Variants in MCM10 observed in about 807,000 individuals in gnomAD.
MCM10 encodes protein MCM10 homolog.
Under a neutral mutation model 109.9 loss-of-function variants are expected in MCM10, and 91 were observed. The ratio of observed to expected loss-of-function variants is 0.83; its 90% CI spans 0.70 to 0.99. MCM10 has a LOEUF of 0.99. Among genes scored for constraint, MCM10 ranks in the 50% least tolerant of loss-of-function variants. The pLI is 0.00. For synonymous variants in MCM10, 380 were observed against 387.2 expected, an observed-to-expected ratio of 0.98 and a Z score of 0.22; for missense variants, 1,077 against 1,061.2, an observed-to-expected ratio of 1.01 and a Z score of -0.21.
intron 16 of MCM10, 53 bp downstream of exon 16, chr10:13,198,860 C>G (rs1834459049): frequency 8.6e-7 from 1 of 1,159,766 alleles, no homozygotes; most frequent in African/African-American, 1.5e-5. Context: ...CCTTCAAAGC[C>G]AAGGTGCTAG....
At chr10:13,202,582 G>A (rs1834514502) in intron 17 of MCM10, among the ~76,000 whole-genome samples, 2 of 152,174 alleles carry the variant, frequency 1.3e-5, no homozygotes, top group African/African-American at 4.8e-5. Context: ...ACCACCAAAA[G>A]TAGGGCTTCC....
Position 13,188,950 on chromosome 10 carries a change from C to G in MCM10, c.1285C>G (p.Leu429Val). The G allele has an allele frequency of 6.2e-7, 1 of 1,614,178 alleles. No homozygotes were observed. The highest frequency in any genetic ancestry group is 8.5e-7 in the Non-Finnish European group (1 of 1,180,030). Residue 429 changes from leucine (L) to valine (V), a missense_variant, in exon 10 of 20, where the codon CTG becomes GTG. Transcript: ENST00000378714. The part of the protein sequence containing the change: ...YKKLSAKRAD[L>V]QSTFSGGRIP... ...GAAGCTCAGCGCAAAGCGTGCGGAT[C>G]TGCAGTCCACCTTCTCTGGAGGACG...
intron 1 of MCM10, among the ~76,000 whole-genome samples, chr10:13,162,876 G>C (rs1363516754): frequency 2.0e-5 from 3 of 152,080 alleles, no homozygotes; most frequent in Non-Finnish European, 4.4e-5. Flanking sequence ...TCAGGAGATC[G>C]AGACCATCCT....
At chr10:13,190,555 C>T (rs965033279) in intron 10 of MCM10, among the ~76,000 whole-genome samples, 2 of 152,054 alleles carry the variant, frequency 1.3e-5, no homozygotes, top group African/African-American at 4.8e-5. Context: ...CATGGTGGCA[C>T]ATGCCTGTAG....
chr10:13,204,022 G>A (rs957524264), intron 17 of MCM10, among the ~76,000 whole-genome samples, 197 bp from the exon 18 acceptor site: 13 of 150,394 alleles, frequency 8.6e-5, no homozygotes, highest in Middle Eastern at 3.2e-3. Flanking sequence ...CGTGAGAAAC[G>A]GTGGTATCAG....
At chr10:13,176,074 A>C (rs1274600774) in intron 6 of MCM10, among the ~76,000 whole-genome samples, 1 of 152,180 alleles carries the variant, frequency 6.6e-6, no homozygotes, top group African/African-American at 2.4e-5. Context: ...GCAATTAAGC[A>C]ATTACTGGAT....
In MCM10 at chr10:13,172,700, A is replaced by C. The variant is rs763892001; in HGVS notation, c.527A>C (p.Glu176Ala). The change falls in exon 5 of 20, where the codon GAG becomes GCG. Residue 176 changes from glutamate (E) to alanine (A), a missense_variant. By Grantham distance (107) the Glu-to-Ala change is moderately radical (BLOSUM62 -1). Transcript: ENST00000378714. The surrounding 1 kb of genome is among the most constrained non-coding windows in gnomAD (Gnocchi z 5.2). ...CAGGAGTCAACATGCTTTTCTGCGGAGCTTGATGTCCCTGCGCTACCAAGA... is the reference window on the plus strand; with the variant it reads ...CAGGAGTCAACATGCTTTTCTGCGGCGCTTGATGTCCCTGCGCTACCAAGA... ...RIQESTCFSA[E>A]LDVPALPRTK... 1 of 1,614,074 alleles carries C rather than the reference A, an allele frequency of 6.2e-7. No homozygotes were observed. The highest frequency in any genetic ancestry group is 1.1e-5 in the South Asian group (1 of 91,068).
At chr10:13,170,024 T>C (rs1485040210) in intron 2 of MCM10, among the ~76,000 whole-genome samples, 1 of 152,224 alleles carries the variant, frequency 6.6e-6, no homozygotes, top group African/African-American at 2.4e-5. Flanking sequence ...ATGTTTTGAT[T>C]TGGGTTAATC....
chr10:13,201,769 C>T, intron 17 of MCM10: 1 of 498,770 alleles, frequency 2.0e-6, no homozygotes, highest in Non-Finnish European at 3.6e-6. Context: ...GACCACAGCC[C>T]CCAGTTTGGA....
intron 5 of MCM10, among the ~76,000 whole-genome samples, chr10:13,174,709 G>T (rs754528749): frequency 1.1e-4 from 17 of 152,134 alleles, no homozygotes; most frequent in Non-Finnish European, 2.2e-4. Flanking sequence ...GCACCCTATT[G>T]GACAGCACCA....
chr10:13,201,447 C>A lies in MCM10; in HGVS notation c.2265C>A (p.Tyr755Ter), dbSNP rs1381660379. The change falls in exon 17 of 20, where the codon TAC becomes TAA. Residue 755 changes from tyrosine (Y) to a stop codon, truncating the protein, a stop_gained. Coordinates refer to ENST00000378714, the MANE Select transcript of MCM10 (RefSeq NM_018518.5). LOFTEE classifies it high-confidence loss of function. Reference sequence around the variant, plus strand: ...CCGAGGCTGAGATGCAGGAGCGCTACTTTGAGCCACTGGTGAAAAAAGAAC... The same window carrying A: ...CCGAGGCTGAGATGCAGGAGCGCTAATTTGAGCCACTGGTGAAAAAAGAAC... ...KEAEAEMQERYFEPLVKKEQM... is the reference protein window; with the variant it reads ...KEAEAEMQER The A allele has an allele frequency of 6.2e-7, 1 of 1,613,062 alleles. No individual in the cohort carries two copies. The highest frequency in any genetic ancestry group is 8.5e-7 in the Non-Finnish European group (1 of 1,179,530).
At position 13,194,571 on chromosome 10, in the gene MCM10, A is replaced by T. The variant is rs150168297; in HGVS notation, c.1746-470A>T. Among the ~76,000 whole-genome samples, 313 of 152,248 alleles carry T rather than the reference A, an allele frequency of 2.1e-3. 3 individuals are homozygous for T. Among genetic ancestry groups the T allele is most frequent in the African/African-American group, 7.0e-3 (290 of 41,544 alleles). On this transcript the variant is annotated intron_variant, in intron 13 of 19. Transcript: ENST00000378714. ...AAAAAAATCAAAAAAAAGAAAGGGG[A>T]TGTAAAATAATCGCTGCAAGTTACA...
rs867869171 is a variant in MCM10, at chr10:13,175,561, A to G, written c.644A>G (p.Gln215Arg). Residue 215 changes from glutamine to arginine, a missense_variant, in exon 6 of 20, where the codon CAG (glutamine) becomes CGG (arginine). Transcript: ENST00000378714. ...ACAAGTGCACCCTCCCAACCCCTAC[A>G]GACGATTTCTCGGAACAAACCTAGT... is the stretch of plus-strand genomic sequence containing the variant. Reference protein sequence around the residue: ...RMTSAPSQPLQTISRNKPSGI... With the variant: ...RMTSAPSQPLRTISRNKPSGI... 5 of 1,614,024 alleles carry G rather than the reference A, an allele frequency of 3.1e-6. No individual in the cohort carries two copies. The highest frequency in any genetic ancestry group is 2.5e-6 in the Non-Finnish European group (3 of 1,179,994).
At position 13,165,794 on chromosome 10, in the gene MCM10, G is replaced by C. The variant is rs566880694; in HGVS notation, c.7+1585G>C. On this transcript the variant is annotated intron_variant, in intron 2 of 19. Transcript: ENST00000378714. ...GGAGGCTGAGGCTGGAGGATCACTTGAATCTGGGAGGCAGAGGTTGCATTG... is the reference window on the plus strand; with the variant it reads ...GGAGGCTGAGGCTGGAGGATCACTTCAATCTGGGAGGCAGAGGTTGCATTG... 3.2e-4 allele frequency among the ~76,000 whole-genome samples: 47 copies of C among 147,862 alleles called. No homozygotes were observed. The South Asian group carries it at 9.7e-3, about 30-fold the overall frequency.
intron 2 of MCM10, among the ~76,000 whole-genome samples, chr10:13,164,550 C>T (rs1833969881): frequency 1.3e-5 from 2 of 152,212 alleles, no homozygotes; most frequent in Non-Finnish European, 2.9e-5. Flanking sequence ...TGTTTAGTAA[C>T]TTGTCACAGT....
chr10:13,171,264 G>T lies in MCM10; in HGVS notation c.349+1G>T. Reference sequence around the variant, plus strand: ...GAGAAAACGAATGAAGAGTTGCAAGGTGCCCTAACTACTTGCCTTCCTTAT... The same window carrying T: ...GAGAAAACGAATGAAGAGTTGCAAGTTGCCCTAACTACTTGCCTTCCTTAT... On this transcript the variant is annotated splice_donor_variant, in intron 3 of 19. Coordinates refer to ENST00000378714, the MANE Select transcript of MCM10 (RefSeq NM_018518.5). LOFTEE classifies it high-confidence loss of function. 5 of 1,603,282 alleles carry T rather than the reference G, an allele frequency of 3.1e-6. No homozygotes were observed. Among genetic ancestry groups the T allele is most frequent in the Non-Finnish European group, 4.3e-6 (5 of 1,174,506 alleles).
intron 1 of MCM10, among the ~76,000 whole-genome samples, chr10:13,162,018 G>C (rs1833933596): frequency 6.6e-6 from 1 of 152,218 alleles, no homozygotes; most frequent in African/African-American, 2.4e-5. Context: ...ACAGTTTAAA[G>C]GCACGAGCAG....
chr10:13,165,936 A>T (rs1413716388), intron 2 of MCM10, among the ~76,000 whole-genome samples: 2 of 150,930 alleles, frequency 1.3e-5, no homozygotes, highest in Non-Finnish European at 2.9e-5. Context: ...ATCTCATTTG[A>T]TTGGCATGGG....
chr10:13,168,770 C>T (rs1834033784), intron 2 of MCM10, among the ~76,000 whole-genome samples: 1 of 152,128 alleles, frequency 6.6e-6, no homozygotes, highest in African/African-American at 2.4e-5. Context: ...AGTGACACAT[C>T]AGATATTGAT....
Sources: allele counts gnomAD v4.1 joint callset (sites outside exome capture counted in the v4.1 genomes callset), GRCh38; gene constraint gnomAD v4.1.1; non-coding constraint Gnocchi (gnomAD v3.1); transcripts MANE v1.5; gene names NCBI Gene and HGNC (gene_info 2026-07-23, HGNC 2026-07-21).